TTC7B: variants seen among roughly 807,000 people sequenced by gnomAD.
TTC7B encodes the protein tetratricopeptide repeat domain 7B, also known as tetratricopeptide repeat protein 7B.
TTC7B carries 28 observed loss-of-function variants against 106.8 expected under a neutral mutation model. That is an observed-to-expected ratio of 0.26 (90% CI 0.19 to 0.36). The LOEUF (loss-of-function observed/expected upper bound fraction) is 0.36. TTC7B is among the 10% of genes least tolerant of loss of function. The pLI is 1.00. For synonymous variants in TTC7B, 405 were observed against 430.6 expected (o/e 0.94, Z 0.74); for missense variants, 862 against 1,076.4 (o/e 0.80, Z 2.79).
intron 19 of TTC7B, among the ~76,000 whole-genome samples, chr14:90,556,191 C>T (rs1234330553): frequency 6.6e-6 from 1 of 152,152 alleles, no homozygotes; most frequent in African/African-American, 2.4e-5. Flanking sequence ...CCCGTGGGGG[C>T]GGAGAGGAGA....
At chr14:90,581,210 G>A (rs769840787) in intron 18 of TTC7B, among the ~76,000 whole-genome samples, 11 of 152,172 alleles carry the variant, frequency 7.2e-5, no homozygotes, top group Non-Finnish European at 1.5e-4. Flanking sequence ...AGAAACTCGA[G>A]CAATTCCAGC....
chr14:90,600,799 C>A lies in TTC7B; in HGVS notation c.1967-7173G>T, dbSNP rs141406899. Among the ~76,000 whole-genome samples, 43 of 152,288 alleles carry A rather than the reference C, an allele frequency of 2.8e-4. No homozygotes were observed. The East Asian group carries it at 8.1e-3, about 29-fold the overall frequency. On this transcript the variant is annotated intron_variant, in intron 17 of 19. Coordinates refer to ENST00000328459, the MANE Select transcript of TTC7B (RefSeq NM_001010854.2). This position sits in a 1 kb window ranked among gnomAD's most constrained non-coding sequence, Gnocchi z 4.3. ...TGCAGGAAGGTGCCAGCTGTCAGAG[C>A]GAGCCGCTGCCGGTGGCTCTGCGCT...
At chr14:90,606,671 C>A (rs1246098289) in intron 17 of TTC7B, among the ~76,000 whole-genome samples, 2 of 152,104 alleles carry the variant, frequency 1.3e-5, no homozygotes, top group Non-Finnish European at 2.9e-5. Context: ...AAGGGACGCC[C>A]AAGGTGATAC....
chr14:90,809,965 G>GT (rs762707924), intron 1 of TTC7B, among the ~76,000 whole-genome samples: 1 of 152,188 alleles, frequency 6.6e-6, no homozygotes, highest in African/African-American at 2.4e-5. Flanking sequence ...AGGTATTTTG[G>GT]TTTTTTCTTC....
chr14:90,793,273 C>G (rs1891648294), intron 1 of TTC7B, among the ~76,000 whole-genome samples: 1 of 152,094 alleles, frequency 6.6e-6, no homozygotes, highest in South Asian at 2.1e-4. Flanking sequence ...CCTGTAATCC[C>G]AGCACTTTGG....
At chr14:90,791,601 G>A (rs1244857717) in intron 1 of TTC7B, among the ~76,000 whole-genome samples, 2 of 152,126 alleles carry the variant, frequency 1.3e-5, no homozygotes, top group Non-Finnish European at 2.9e-5. Context: ...ACGTTATGAC[G>A]ATGGGATGGG....
At chr14:90,711,252 A>C (rs1888432913) in intron 5 of TTC7B, among the ~76,000 whole-genome samples, 1 of 152,230 alleles carries the variant, frequency 6.6e-6, no homozygotes, top group Non-Finnish European at 1.5e-5. Flanking sequence ...TCTTTAAAAA[A>C]TAACATTGTG....
At position 90,634,362 on chromosome 14, in the gene TTC7B, G is replaced by T. The variant is rs1884837147; in HGVS notation, c.1751+9686C>A. ...CAAGACACATGAAAATGGCAGATGTGAATCCAGCCATAGCATTAATTATAT... is the reference window on the plus strand; with the variant it reads ...CAAGACACATGAAAATGGCAGATGTTAATCCAGCCATAGCATTAATTATAT... On this transcript the variant is annotated intron_variant, in intron 15 of 19. Transcript: ENST00000328459. 3.3e-5 allele frequency among the ~76,000 whole-genome samples: 5 copies of T among 152,036 alleles called. No homozygotes were observed. In the South Asian group the frequency reaches 1.0e-3, roughly 31 times the overall value.
chr14:90,768,695 A>G (rs1418248167), intron 3 of TTC7B, among the ~76,000 whole-genome samples: 2 of 152,372 alleles, frequency 1.3e-5, no homozygotes, highest in East Asian at 3.9e-4. Context: ...GCCCTGCAAG[A>G]AATGCTCACA....
At chr14:90,799,294 T>C (rs1045645531) in intron 1 of TTC7B, among the ~76,000 whole-genome samples, 3 of 152,224 alleles carry the variant, frequency 2.0e-5, no homozygotes, top group Non-Finnish European at 4.4e-5. Context: ...GCCTGGGCCA[T>C]CAGGGTCCTG....
At chr14:90,597,587 G>A (rs1025397007) in intron 17 of TTC7B, among the ~76,000 whole-genome samples, 1 of 152,250 alleles carries the variant, frequency 6.6e-6, no homozygotes, top group Admixed American at 6.5e-5. Flanking sequence ...GAACCCCAGA[G>A]GTGGAGGTTG....
At chr14:90,593,038 A>T (rs576573341) in intron 18 of TTC7B, among the ~76,000 whole-genome samples, 1 of 152,330 alleles carries the variant, frequency 6.6e-6, no homozygotes, top group East Asian at 1.9e-4. Context: ...CATTGCACTC[A>T]TCAACCCTGG....
rs186443419 is a variant in TTC7B at position 90,608,307 on chromosome 14, C to T, written c.1966+2435G>A. ...AATATGATAAGGCCTCCTAAAATGGCCTTCCATTTTTCTGATTCCCTGGTC... is the reference window on the plus strand; with the variant it reads ...AATATGATAAGGCCTCCTAAAATGGTCTTCCATTTTTCTGATTCCCTGGTC... On this transcript the variant is annotated intron_variant, in intron 17 of 19. Coordinates refer to ENST00000328459, the MANE Select transcript of TTC7B (RefSeq NM_001010854.2). The surrounding 1 kb of genome is among the most constrained non-coding windows in gnomAD (Gnocchi z 5.1). 1.3e-5 allele frequency among the ~76,000 whole-genome samples: 2 copies of T among 152,334 alleles called. No homozygotes were observed. Among genetic ancestry groups the T allele is most frequent in the East Asian group, 1.9e-4 (1 of 5,190 alleles).
At chr14:90,583,245 G>C (rs180877399) in intron 18 of TTC7B, among the ~76,000 whole-genome samples, 34 of 152,332 alleles carry the variant, frequency 2.2e-4, no homozygotes, top group African/African-American at 7.7e-4. Context: ...CTAAACTGTA[G>C]ACAACTCCTA....
intron 1 of TTC7B, among the ~76,000 whole-genome samples, chr14:90,796,661 A>G (rs1408110019): frequency 1.3e-5 from 2 of 152,158 alleles, no homozygotes; most frequent in Non-Finnish European, 2.9e-5. Flanking sequence ...GGAGTACTTG[A>G]CACCAACACA....
At chr14:90,654,872 A>T in intron 12 of TTC7B, 121 bp downstream of exon 12, 2 of 781,058 alleles carry the variant, frequency 2.6e-6, no homozygotes, top group Non-Finnish European at 4.2e-6. Flanking sequence ...CGGATGGCAC[A>T]CCAGAATGCC....
intron 16 of TTC7B, among the ~76,000 whole-genome samples, chr14:90,614,104 C>T (rs573788293): frequency 1.3e-5 from 2 of 152,244 alleles, no homozygotes; most frequent in Admixed American, 1.3e-4. Flanking sequence ...AAAGAAGGGC[C>T]TCGGCTAGGA....
At position 90,537,888 on chromosome 14, in the gene TTC7B, C is replaced by G. The variant is rs1394939338; in HGVS notation, c.*3480G>C. ...GCATCTGTGTCACACATTGCTGTGCCCTCAGTGCCTGGAATAAGCATCTGG... is the reference window on the plus strand; with the variant it reads ...GCATCTGTGTCACACATTGCTGTGCGCTCAGTGCCTGGAATAAGCATCTGG... On this transcript the variant is annotated 3_prime_UTR_variant, in exon 20 of 20. Transcript: ENST00000328459. 2 of 152,210 alleles carry G rather than the reference C, an allele frequency of 1.3e-5. No homozygotes were observed. The highest frequency in any genetic ancestry group is 2.9e-5 in the Non-Finnish European group (2 of 68,044). 9.4% of individuals were successfully genotyped at this position (152,210 alleles called of 1,614,324 possible).
chr14:90,632,513 T>G (rs1884745069), intron 15 of TTC7B, among the ~76,000 whole-genome samples: 1 of 152,240 alleles, frequency 6.6e-6, no homozygotes, highest in Non-Finnish European at 1.5e-5. Context: ...GTTTCCTAGT[T>G]TTTTGATTCC....
Sources: gnomAD v4.1 joint callset for allele counts (sites outside exome capture counted in the v4.1 genomes callset) on GRCh38, gnomAD v4.1.1 for gene constraint, Gnocchi (gnomAD v3.1) non-coding constraint, MANE v1.5 for transcripts, NCBI Gene and HGNC (gene_info 2026-07-23, HGNC 2026-07-21) for gene names.